EXOC6: variants seen among roughly 807,000 people sequenced by gnomAD.
EXOC6 encodes the protein SEC15-like 1.
In EXOC6, 60 loss-of-function variants were observed where a neutral mutation model predicts 112.5. The observed-to-expected ratio is 0.53, with a 90% CI of 0.43 to 0.66. EXOC6 has a LOEUF of 0.66. Among genes scored for constraint, EXOC6 ranks in the 30% least tolerant of loss-of-function variants. The pLI is 0.00. For synonymous variants in EXOC6, 295 were observed against 308.0 expected (o/e 0.96, Z 0.44); for missense variants, 855 against 957.1 (o/e 0.89, Z 1.41).
chr10:92,948,224 CTAA>C (rs1451696324), intron 13 of EXOC6, 47 bp from the exon 14 acceptor site: 1 of 1,221,278 alleles, frequency 8.2e-7, no homozygotes, highest in Non-Finnish European at 1.2e-6. Flanking sequence ...TTTTAGTACT[CTAA>C]TAATATGCTT....
rs1477545194 is a variant in EXOC6 at position 92,952,465 on chromosome 10, T to C, written c.1526+83T>C. On this transcript the variant is annotated intron_variant, in intron 15 of 21. Coordinates refer to ENST00000260762, the MANE Select transcript of EXOC6 (RefSeq NM_019053.6). ...TTATTTTTATGCCATAACTTTTTTT[T>C]CCTCAACTTTTATTTTAGATTCATG... is the stretch of plus-strand genomic sequence containing the variant. The C allele has an allele frequency of 5.0e-5, 43 of 866,676 alleles. No homozygotes were observed. The East Asian group carries it at 9.3e-4, about 19-fold the overall frequency. The allele number at this position is 866,676 out of a possible 1,614,324, so 53.7% of individuals were successfully genotyped here. A position where few individuals can be genotyped will look rare whatever the true frequency, so the allele number is the denominator to read the frequency against.
chr10:92,958,149 G>A (rs375115352), intron 17 of EXOC6, among the ~76,000 whole-genome samples: 35 of 152,108 alleles, frequency 2.3e-4, no homozygotes, highest in African/African-American at 8.0e-4. Context: ...TATAAAAGAG[G>A]TTCAATAAGT....
At chr10:92,919,658 CAAT>C (rs934597646) in intron 7 of EXOC6, among the ~76,000 whole-genome samples, 11 of 152,042 alleles carry the variant, frequency 7.2e-5, no homozygotes, top group African/African-American at 2.4e-4. Flanking sequence ...TTACCCAAAA[CAAT>C]AATAAGGTAT....
At chr10:92,877,357 G>A (rs546979552) in intron 1 of EXOC6, among the ~76,000 whole-genome samples, 1 of 151,824 alleles carries the variant, frequency 6.6e-6, no homozygotes, top group African/African-American at 2.4e-5. Flanking sequence ...TTGTCTACCT[G>A]GCTCTGGCCT....
chr10:92,833,138 G>T (rs542437079), upstream of EXOC6, among the ~76,000 whole-genome samples: 197 of 152,280 alleles, frequency 1.3e-3, no homozygotes, highest in Middle Eastern at 6.8e-3. Flanking sequence ...TGCTGCATTG[G>T]TTTGCCATTG....
intron 17 of EXOC6, among the ~76,000 whole-genome samples, chr10:92,973,620 G>T (rs77309786): frequency 0.011 from 1,627 of 152,222 alleles, 34 homozygotes; most frequent in African/African-American, 0.037. Context: ...CTCCACCCCT[G>T]CTTAAACTCA....
At chr10:92,932,481 A>G (rs1295922472) in intron 9 of EXOC6, among the ~76,000 whole-genome samples, 2 of 152,160 alleles carry the variant, frequency 1.3e-5, no homozygotes, top group Non-Finnish European at 2.9e-5. Flanking sequence ...TTAGAAACAA[A>G]CATAAACAGA....
chr10:93,050,514 C>T (rs2134369799), intron 20 of EXOC6, among the ~76,000 whole-genome samples: 2 of 150,316 alleles, frequency 1.3e-5, no homozygotes, highest in East Asian at 2.0e-4. Context: ...AATCCCAGCA[C>T]TTTGGGAGGC....
intron 20 of EXOC6, among the ~76,000 whole-genome samples, chr10:93,046,269 G>A (rs1281654520): frequency 6.6e-6 from 1 of 152,194 alleles, no homozygotes; most frequent in Non-Finnish European, 1.5e-5. Flanking sequence ...TTGAGATATT[G>A]GAAGGAGATA....
chr10:93,041,024 C>T (rs1462208401), intron 20 of EXOC6, among the ~76,000 whole-genome samples: 5 of 152,188 alleles, frequency 3.3e-5, no homozygotes, highest in Non-Finnish European at 1.5e-5. Flanking sequence ...AACCATTTGA[C>T]TTAGGTGTGT....
intron 5 of EXOC6, among the ~76,000 whole-genome samples, chr10:92,902,205 G>T (rs1256122794): frequency 6.6e-6 from 1 of 151,976 alleles, no homozygotes; most frequent in Non-Finnish European, 1.5e-5. Context: ...GATGTGGTGG[G>T]TACTTTTTGT....
intron 18 of EXOC6, among the ~76,000 whole-genome samples, chr10:92,992,353 A>C (rs1843303036): frequency 6.6e-6 from 1 of 151,932 alleles, no homozygotes; most frequent in Non-Finnish European, 1.5e-5. Context: ...GAACTCACTA[A>C]GGGAATTCAT....
chr10:92,895,776 T>A (rs748311355), intron 4 of EXOC6, among the ~76,000 whole-genome samples: 1 of 150,854 alleles, frequency 6.6e-6, no homozygotes, highest in South Asian at 2.1e-4. Context: ...CATAGCTCAC[T>A]GCAGCCTTGA....
intron 13 of EXOC6, among the ~76,000 whole-genome samples, chr10:92,943,888 C>T (rs188327508): frequency 2.8e-4 from 42 of 152,302 alleles, no homozygotes; most frequent in East Asian, 2.3e-3. Context: ...ACCCTGCCTA[C>T]GCCACTTTCT....
intron 19 of EXOC6, among the ~76,000 whole-genome samples, chr10:93,004,861 T>C (rs1185611397): frequency 6.6e-6 from 1 of 152,164 alleles, no homozygotes; most frequent in Non-Finnish European, 1.5e-5. Context: ...CCTTCAACCA[T>C]CAAGAGGCCT....
At chr10:92,832,266 T>C (rs1414604132), upstream of EXOC6, among the ~76,000 whole-genome samples, 1 of 152,204 alleles carries the variant, frequency 6.6e-6, no homozygotes, top group East Asian at 1.9e-4. Flanking sequence ...CTACTATAAC[T>C]GTATACAAGG....
At chr10:92,946,735 C>T (rs1049406148) in intron 13 of EXOC6, among the ~76,000 whole-genome samples, 9 of 152,222 alleles carry the variant, frequency 5.9e-5, no homozygotes, top group South Asian at 4.1e-4. Flanking sequence ...CACACACTAA[C>T]GCTCACTCCT....
intron 1 of EXOC6, among the ~76,000 whole-genome samples, chr10:92,837,355 AAGG>A (rs1347049259): frequency 2.6e-5 from 4 of 152,144 alleles, no homozygotes; most frequent in African/African-American, 9.7e-5. Context: ...CAAAGAAGAG[AAGG>A]AGGAGGAAGT....
chr10:92,862,867 G>C (rs1368424197), intron 1 of EXOC6, among the ~76,000 whole-genome samples: 1 of 152,176 alleles, frequency 6.6e-6, no homozygotes, highest in Non-Finnish European at 1.5e-5. Flanking sequence ...CCTATGTTCA[G>C]TATTTGGGGT....
Sources: allele counts gnomAD v4.1 joint callset (sites outside exome capture counted in the v4.1 genomes callset), GRCh38; gene constraint gnomAD v4.1.1; transcripts MANE v1.5; gene names NCBI Gene and HGNC (gene_info 2026-07-23, HGNC 2026-07-21).